PSMD11: variants seen among roughly 807,000 people sequenced by gnomAD.
PSMD11 encodes 26S proteasome non-ATPase regulatory subunit 11.
PSMD11 carries 5 observed loss-of-function variants against 62.3 expected under a neutral mutation model. The ratio of observed to expected loss-of-function variants is 0.08; its 90% CI spans 0.04 to 0.17. The LOEUF is 0.17. PSMD11 is among the 10% of genes least tolerant of loss of function. The pLI is 1.00. For synonymous variants in PSMD11, 191 were observed against 191.8 expected (o/e 1.00, Z 0.03); for missense variants, 310 against 512.9 (o/e 0.60, Z 3.82).
rs749129175 is a variant in PSMD11, at chr17:32,477,523, A to G, written c.852A>G (p.Thr284=). Residue 284 remains threonine, a splice_region_variant and synonymous_variant, in exon 9 of 14, where the codon ACA becomes ACG. Coordinates refer to ENST00000261712, the MANE Select transcript of PSMD11 (RefSeq NM_002815.4). ...ATGGTTTGTCTCTTTATTCTCAGACAGAAGCATTAAAATGCGTGGCTCAGG... is the reference window on the plus strand; with the variant it reads ...ATGGTTTGTCTCTTTATTCTCAGACGGAAGCATTAAAATGCGTGGCTCAGG... ...KLALRYAGRQ[T]EALKCVAQAS... is the part of the protein sequence containing the mutation. The G allele has an allele frequency of 1.3e-4, 216 of 1,603,844 alleles. No homozygotes were observed. The highest frequency in any genetic ancestry group is 1.7e-4 in the Non-Finnish European group (204 of 1,175,650).
chr17:32,455,834 T>A (rs985768646), intron 3 of PSMD11, among the ~76,000 whole-genome samples: 4 of 152,188 alleles, frequency 2.6e-5, no homozygotes, highest in Non-Finnish European at 2.9e-5. Context: ...TAACTTTTTT[T>A]AAAAATTGTA....
intron 6 of PSMD11, among the ~76,000 whole-genome samples, chr17:32,472,848 T>C (rs905579995): frequency 1.3e-4 from 19 of 150,758 alleles, no homozygotes; most frequent in African/African-American, 2.9e-4. Flanking sequence ...TTTTCTTTTT[T>C]TTTTTTTTTT....
chr17:32,457,814 T>TC (rs397827159), intron 3 of PSMD11, among the ~76,000 whole-genome samples: 30 of 150,808 alleles, frequency 2.0e-4, no homozygotes, highest in African/African-American at 2.7e-4. Context: ...TTTTTTTTTT[T>TC]CCCCGAGATG....
At chr17:32,465,442 T>G (rs1907966043) in intron 5 of PSMD11, among the ~76,000 whole-genome samples, 1 of 152,068 alleles carries the variant, frequency 6.6e-6, no homozygotes, top group Admixed American at 6.6e-5. Context: ...TGGGTAGATC[T>G]GGACTATTTT....
At chr17:32,456,465 C>T (rs576054318) in intron 3 of PSMD11, among the ~76,000 whole-genome samples, 82 of 151,888 alleles carry the variant, frequency 5.4e-4, no homozygotes, top group African/African-American at 1.7e-3. Context: ...CCCCGCCTCC[C>T]GGGTTCAAGG....
chr17:32,467,650 C>T (rs899946828), intron 5 of PSMD11, among the ~76,000 whole-genome samples: 78 of 152,270 alleles, frequency 5.1e-4, no homozygotes, highest in African/African-American at 1.8e-3. Flanking sequence ...CTCTGTCACC[C>T]AACCTGGATG....
At chr17:32,465,105 A>G (rs1431517500) in intron 5 of PSMD11, among the ~76,000 whole-genome samples, 2 of 149,268 alleles carry the variant, frequency 1.3e-5, no homozygotes, top group South Asian at 2.1e-4. Context: ...TAATCTATCT[A>G]TCTATCTATT....
intron 3 of PSMD11, among the ~76,000 whole-genome samples, chr17:32,461,034 A>G (rs940160723): frequency 6.6e-6 from 1 of 152,126 alleles, no homozygotes; most frequent in Non-Finnish European, 1.5e-5. Context: ...GGAGTAGCCT[A>G]TGGGCAACTT....
intron 5 of PSMD11, among the ~76,000 whole-genome samples, chr17:32,466,038 C>T (rs1315407297): frequency 6.6e-6 from 1 of 152,024 alleles, no homozygotes; most frequent in African/African-American, 2.4e-5. Flanking sequence ...CTCTGTCGTC[C>T]AGGCTGGAGT....
In PSMD11 at chr17:32,480,764, T is replaced by C; in HGVS notation, c.*12T>C. ...GTCTTCTCTTGCAGAGTTGGATCTG[T>C]AGCGGTCCTTTGGAGAGTGTGTGTG... On this transcript the variant is annotated 3_prime_UTR_variant, in exon 14 of 14. Coordinates refer to ENST00000261712, the MANE Select transcript of PSMD11 (RefSeq NM_002815.4). 9.4e-7 allele frequency: 1 copy of C among 1,059,144 alleles called. No individual in the cohort carries two copies. The highest frequency in any genetic ancestry group is 1.3e-6 in the Non-Finnish European group (1 of 742,970). 65.6% of individuals were successfully genotyped at this position (1,059,144 alleles called of 1,614,324 possible).
rs1019072885 is a variant in PSMD11, at chr17:32,480,970, A to G, written c.*218A>G. Reference sequence around the variant, plus strand: ...GGAGTGGGGAAATTGCTTAAAAAAAAAGAAAAAGAAAAAAAAAAAGATTAT... The same window carrying G: ...GGAGTGGGGAAATTGCTTAAAAAAAGAGAAAAAGAAAAAAAAAAAGATTAT... On this transcript the variant is annotated 3_prime_UTR_variant, in exon 14 of 14. Transcript: ENST00000261712. 4.1e-5 allele frequency: 8 copies of G among 194,612 alleles called. No homozygotes were observed. Among genetic ancestry groups the G allele is most frequent in the Non-Finnish European group, 5.2e-5 (5 of 96,134 alleles). The allele number at this position is 194,612 out of a possible 1,614,324, so 12.1% of individuals were successfully genotyped here.
chr17:32,477,660 A>G (rs772636127), intron 9 of PSMD11, 77 bp downstream of exon 9: 2 of 1,314,812 alleles, frequency 1.5e-6, no homozygotes, highest in East Asian at 2.3e-5. Context: ...ACACTTTTAA[A>G]AATAATTATA....
chr17:32,444,696 C>T, intron 1 of PSMD11, 82 bp downstream of exon 1: 1 of 1,538,834 alleles, frequency 6.5e-7, no homozygotes. Context: ...AGGGGCCCGG[C>T]TAGCCGGCTC....
chr17:32,469,270 G>A lies in PSMD11; in HGVS notation c.643+77G>A, dbSNP rs561646818. The A allele has an allele frequency of 4.9e-6, 7 of 1,432,150 alleles. No homozygotes were observed. In the South Asian group the frequency reaches 9.6e-5, roughly 20 times the overall value. 88.7% of individuals were successfully genotyped at this position (1,432,150 alleles called of 1,614,324 possible). A position where few individuals can be genotyped will look rare whatever the true frequency, so the allele number is the denominator to read the frequency against. The stretch of plus-strand genomic sequence containing the variant: ...TTATAGGTGGAAGGAATGGGGGTTG[G>A]GGCTGGAGAATAAAATTGGCTGATT... On this transcript the variant is annotated intron_variant, in intron 6 of 13. Coordinates refer to ENST00000261712, the MANE Select transcript of PSMD11 (RefSeq NM_002815.4).
Position 32,464,504 on chromosome 17 carries a change from CCTTTTCTCT to C in PSMD11, c.391-16_391-8del. On this transcript the variant is annotated splice_region_variant and splice_polypyrimidine_tract_variant and intron_variant, in intron 4 of 13. Coordinates refer to ENST00000261712, the MANE Select transcript of PSMD11 (RefSeq NM_002815.4). Reference sequence around the variant, plus strand: ...CTTTTTCCCCCCCCTTCAATCAATGCCTTTTCTCTTTCCTAGGCAAGACTGGTGTCTTTG... The same window carrying C: ...CTTTTTCCCCCCCCTTCAATCAATGCTTCCTAGGCAAGACTGGTGTCTTTG... 2.5e-6 allele frequency: 4 copies of C among 1,583,854 alleles called. No homozygotes were observed. The highest frequency in any genetic ancestry group is 3.4e-6 in the Non-Finnish European group (4 of 1,160,506).
At chr17:32,478,953 T>C (rs757675884) in intron 9 of PSMD11, among the ~76,000 whole-genome samples, 3 of 152,158 alleles carry the variant, frequency 2.0e-5, no homozygotes, top group Admixed American at 6.5e-5. Context: ...TAAAAATTTA[T>C]TTTTAGAGAT....
intron 3 of PSMD11, among the ~76,000 whole-genome samples, chr17:32,457,592 T>C (rs947305700): frequency 6.6e-6 from 1 of 152,170 alleles, no homozygotes; most frequent in Non-Finnish European, 1.5e-5. Context: ...CAGAGTCTTA[T>C]TCCACTAAGT....
At chr17:32,471,589 G>T (rs1163942032) in intron 6 of PSMD11, among the ~76,000 whole-genome samples, 1 of 152,158 alleles carries the variant, frequency 6.6e-6, no homozygotes, top group Non-Finnish European at 1.5e-5. Context: ...GGTCATTCAG[G>T]CAGTCTAGAG....
In PSMD11 at chr17:32,454,578, C is replaced by G. The variant is rs1193484132; in HGVS notation, c.277C>G (p.Leu93Val). Residue 93 changes from leucine (L) to valine (V), a missense_variant, in exon 3 of 14, where the codon CTT (leucine) becomes GTT (valine). By Grantham distance (32) the Leu-to-Val change is conservative. Coordinates refer to ENST00000261712, the MANE Select transcript of PSMD11 (RefSeq NM_002815.4). The stretch of plus-strand genomic sequence containing the variant: ...AGCAGCTCGCCTGGTCCGATCTCTT[C>G]TTGATCTGTTTCTTGATATGGAAGC... ...AKAARLVRSL[L>V]DLFLDMEAAT... 6.2e-7 allele frequency: 1 copy of G among 1,614,056 alleles called. No homozygotes were observed. The highest frequency in any genetic ancestry group is 8.5e-7 in the Non-Finnish European group (1 of 1,179,944).
Sources: gnomAD v4.1 joint callset for allele counts (sites outside exome capture counted in the v4.1 genomes callset) on GRCh38, gnomAD v4.1.1 for gene constraint, MANE v1.5 for transcripts, NCBI Gene and HGNC (gene_info 2026-07-23, HGNC 2026-07-21) for gene names.